Variants in LDB2 observed in about 807,000 individuals in gnomAD.
LDB2 encodes the protein LIM domain binding 2, also known as LIM domain-binding protein 2.
A neutral mutation model predicts 44.3 loss-of-function variants in LDB2; 12 were observed. That is an observed-to-expected ratio of 0.27 (90% CI 0.17 to 0.44). LDB2 has a LOEUF of 0.44. Ranked by LOEUF, LDB2 falls within the 20% of genes least tolerant of loss-of-function variation. The pLI is 1.00. For missense variants in LDB2, 344 were observed against 473.5 expected, an observed-to-expected ratio of 0.73 and a Z score of 2.54; for synonymous variants, 164 against 174.8, an observed-to-expected ratio of 0.94 and a Z score of 0.49.
At chr4:16,681,618 C>CTTTT (rs536589787) in intron 2 of LDB2, among the ~76,000 whole-genome samples, 18 of 61,702 alleles carry the variant, frequency 2.9e-4, no homozygotes, top group Non-Finnish European at 3.7e-4. Context: ...GTATTCTATT[C>CTTTT]TTTTTTTTTT....
At chr4:16,883,874 C>T (rs1414102869) in intron 1 of LDB2, among the ~76,000 whole-genome samples, 2 of 152,112 alleles carry the variant, frequency 1.3e-5, no homozygotes, top group Non-Finnish European at 2.9e-5. Context: ...AGGCAAGTTA[C>T]ATCACCTTGG....
chr4:16,718,115 G>T (rs1757474412), intron 2 of LDB2, among the ~76,000 whole-genome samples: 1 of 151,988 alleles, frequency 6.6e-6, no homozygotes, highest in Admixed American at 6.6e-5. Context: ...TTGGTGGGGG[G>T]TAGAGTATTG....
At chr4:16,719,966 T>C (rs1032858768) in intron 2 of LDB2, among the ~76,000 whole-genome samples, 6 of 152,122 alleles carry the variant, frequency 3.9e-5, no homozygotes, top group African/African-American at 1.2e-4. Flanking sequence ...CTAGAGATTA[T>C]TTTAAGTAAA....
intron 2 of LDB2, among the ~76,000 whole-genome samples, chr4:16,603,378 G>A (rs1723072169): frequency 6.6e-6 from 1 of 152,180 alleles, no homozygotes; most frequent in African/African-American, 2.4e-5. Flanking sequence ...TGTTAATCAG[G>A]CACAGAGGGC....
chr4:16,858,465 CGTTCAG>C (rs1401913123), intron 1 of LDB2, among the ~76,000 whole-genome samples: 1 of 152,202 alleles, frequency 6.6e-6, no homozygotes, highest in Admixed American at 6.5e-5. Context: ...TAAGAGGGAC[CGTTCAG>C]GTGAAAAGAA....
chr4:16,849,659 C>A (rs1334241568), intron 1 of LDB2, among the ~76,000 whole-genome samples: 1 of 152,214 alleles, frequency 6.6e-6, no homozygotes, highest in East Asian at 1.9e-4. Flanking sequence ...CATGGCATGA[C>A]TGTTTCCTGT....
chr4:16,557,957 G>T (rs1342693300), intron 5 of LDB2, among the ~76,000 whole-genome samples: 1 of 152,192 alleles, frequency 6.6e-6, no homozygotes, highest in African/African-American at 2.4e-5. Context: ...AGGCAAACAG[G>T]GTCTGGAGTG....
intron 1 of LDB2, among the ~76,000 whole-genome samples, chr4:16,896,389 G>C (rs1337047328): frequency 6.6e-6 from 1 of 152,060 alleles, no homozygotes; most frequent in African/African-American, 2.4e-5. Context: ...AAACAAACCT[G>C]GGACCATATT....
intron 2 of LDB2, among the ~76,000 whole-genome samples, chr4:16,614,841 C>T (rs576732514): frequency 6.4e-4 from 97 of 151,124 alleles, no homozygotes; most frequent in African/African-American, 1.9e-3. Flanking sequence ...GAGGCCGAGG[C>T]GGGCGGATCA....
Position 16,586,002 on chromosome 4 carries a change from G to GGAAA in LDB2, c.534_535insTTTC (p.Gln179PhefsTer44). 1 of 1,613,332 alleles carries GGAAA rather than the reference G, an allele frequency of 6.2e-7. No homozygotes were observed. On this transcript the variant is annotated frameshift_variant, in exon 5 of 8. Transcript: ENST00000304523. LOFTEE classifies it high-confidence loss of function. Reference sequence around the variant, plus strand: ...AGCTGATCCAGGACCTGAGGATCTTGTGCCTAAATGGAAAAAAAACCCCAC... The same window carrying GGAAA: ...AGCTGATCCAGGACCTGAGGATCTTGGAAATGCCTAAATGGAAAAAAAACCCCAC...
At chr4:16,892,427 C>A (rs980967161) in intron 1 of LDB2, among the ~76,000 whole-genome samples, 101 of 152,148 alleles carry the variant, frequency 6.6e-4, no homozygotes, top group African/African-American at 2.3e-3. Context: ...AATCTAGGCT[C>A]ATATTGATTT....
intron 2 of LDB2, among the ~76,000 whole-genome samples, chr4:16,650,304 C>A (rs905847958): frequency 5.3e-5 from 8 of 152,144 alleles, no homozygotes; most frequent in Non-Finnish European, 1.0e-4. Flanking sequence ...AGCATTGGGT[C>A]AGTAGCACAG....
intron 2 of LDB2, among the ~76,000 whole-genome samples, chr4:16,606,734 T>A (rs1024993749): frequency 6.6e-6 from 1 of 152,226 alleles, no homozygotes; most frequent in Non-Finnish European, 1.5e-5. Flanking sequence ...ACTAGAGAAG[T>A]AGAAAAGAAA....
chr4:16,796,555 T>C (rs1776784364), intron 1 of LDB2, among the ~76,000 whole-genome samples: 1 of 152,086 alleles, frequency 6.6e-6, no homozygotes. Flanking sequence ...GAATCACAAG[T>C]GATTTATGTA....
At chr4:16,893,305 T>A (rs1723951035) in intron 1 of LDB2, among the ~76,000 whole-genome samples, 1 of 151,854 alleles carries the variant, frequency 6.6e-6, no homozygotes, top group African/African-American at 2.4e-5. Flanking sequence ...CTTTCTAAAT[T>A]TCTAGGGGGG....
intron 2 of LDB2, among the ~76,000 whole-genome samples, chr4:16,642,913 G>A (rs948239531): frequency 6.6e-6 from 1 of 152,220 alleles, no homozygotes; most frequent in Non-Finnish European, 1.5e-5. Flanking sequence ...ATTGTAGAGG[G>A]GTGGCAAGAA....
At chr4:16,627,718 G>C (rs550589528) in intron 2 of LDB2, among the ~76,000 whole-genome samples, 4 of 152,176 alleles carry the variant, frequency 2.6e-5, no homozygotes, top group Admixed American at 1.3e-4. Flanking sequence ...TTGTGAAATC[G>C]CTTCTCTTTG....
At chr4:16,591,693 T>C (rs1222845322) in intron 3 of LDB2, among the ~76,000 whole-genome samples, 1 of 152,144 alleles carries the variant, frequency 6.6e-6, no homozygotes, top group East Asian at 1.9e-4. Flanking sequence ...TTGTTTTACA[T>C]GCAACAGCCA....
At chr4:16,515,433 TA>T (rs1723284316) in intron 5 of LDB2, among the ~76,000 whole-genome samples, 1 of 152,144 alleles carries the variant, frequency 6.6e-6, no homozygotes, top group Non-Finnish European at 1.5e-5. Flanking sequence ...ATAAAAATTG[TA>T]AAAAAAGATG....
Sources: allele counts gnomAD v4.1 joint callset (sites outside exome capture counted in the v4.1 genomes callset), GRCh38; gene constraint gnomAD v4.1.1; transcripts MANE v1.5; gene names NCBI Gene and HGNC (gene_info 2026-07-23, HGNC 2026-07-21).